SLC9B2: variants seen among roughly 807,000 people sequenced by gnomAD.
The protein encoded by SLC9B2 is sodium/hydrogen exchanger 9B2.
Under a neutral mutation model 52.2 loss-of-function variants are expected in SLC9B2, and 39 were observed. That is an observed-to-expected ratio of 0.75 (90% CI 0.58 to 0.98). The LOEUF (loss-of-function observed/expected upper bound fraction) is 0.98. SLC9B2 is among the 50% of genes least tolerant of loss of function. SLC9B2 has a pLI of 0.00. For missense variants in SLC9B2, 626 were observed against 637.5 expected, an observed-to-expected ratio of 0.98 and a Z score of 0.19; for synonymous variants, 214 against 227.0, an observed-to-expected ratio of 0.94 and a Z score of 0.51.
chr4:103,068,272 A>G (rs1173069948), intron 1 of SLC9B2, among the ~76,000 whole-genome samples: 8 of 152,166 alleles, frequency 5.3e-5, no homozygotes, highest in African/African-American at 1.9e-4. Flanking sequence ...ATAAACACTC[A>G]CTTCAACACA....
chr4:103,062,126 G>A (rs1351659366), intron 3 of SLC9B2, among the ~76,000 whole-genome samples: 3 of 152,198 alleles, frequency 2.0e-5, no homozygotes, highest in Non-Finnish European at 2.9e-5. Context: ...AGAATTAAGT[G>A]TTTTCTCTTT....
intron 5 of SLC9B2, among the ~76,000 whole-genome samples, chr4:103,049,657 A>T (rs1224250808): frequency 6.6e-6 from 1 of 152,150 alleles, no homozygotes; most frequent in Non-Finnish European, 1.5e-5. Context: ...ACATCAGAGA[A>T]AAGTGGGGCC....
At chr4:103,056,220 A>C (rs1434592966) in intron 4 of SLC9B2, among the ~76,000 whole-genome samples, 1 of 151,862 alleles carries the variant, frequency 6.6e-6, no homozygotes, top group Non-Finnish European at 1.5e-5. Flanking sequence ...ATTTTCAGCT[A>C]TGTCTTTAAG....
intron 5 of SLC9B2, among the ~76,000 whole-genome samples, chr4:103,049,841 G>A (rs1434227087): frequency 6.6e-5 from 10 of 151,896 alleles, no homozygotes; most frequent in South Asian, 2.1e-4. Context: ...GCAAAACCCC[G>A]TCTCTACTAA....
chr4:103,045,584 G>T (rs568792854), intron 7 of SLC9B2, among the ~76,000 whole-genome samples: 2 of 148,890 alleles, frequency 1.3e-5, no homozygotes, highest in Admixed American at 6.7e-5. Flanking sequence ...GCAGGGCTCA[G>T]ATCCAAAAGG....
chr4:103,018,540 C>T (rs951353855), downstream of SLC9B2, among the ~76,000 whole-genome samples: 2 of 152,258 alleles, frequency 1.3e-5, no homozygotes, highest in Non-Finnish European at 2.9e-5. Context: ...CTGTTGCACA[C>T]ATAATTATAT....
intron 2 of SLC9B2, 83 bp from the exon 3 acceptor site, chr4:103,066,590 A>G (rs1746152228): frequency 7.6e-7 from 1 of 1,318,278 alleles, no homozygotes; most frequent in African/African-American, 1.5e-5. Context: ...CACCTTACAA[A>G]TCAAATTTCT....
chr4:103,046,635 T>C (rs1449035423), intron 7 of SLC9B2, among the ~76,000 whole-genome samples: 2 of 152,286 alleles, frequency 1.3e-5, no homozygotes, highest in East Asian at 3.9e-4. Flanking sequence ...TTGTGCTCCT[T>C]GAAAAACCCA....
chr4:103,054,081 C>A (rs1744915379), intron 4 of SLC9B2, among the ~76,000 whole-genome samples: 1 of 151,962 alleles, frequency 6.6e-6, no homozygotes, highest in Admixed American at 6.6e-5. Flanking sequence ...AGTTCAAGAC[C>A]TGCCTGAGCC....
At chr4:103,020,341 AGCTTTG>A (rs1409516108), downstream of SLC9B2, 1 of 452,000 alleles carries the variant, frequency 2.2e-6, no homozygotes, top group East Asian at 7.0e-5. Flanking sequence ...TGGGCCCAGA[AGCTTTG>A]GCCTTTCAGT....
intron 2 of SLC9B2, 93 bp downstream of exon 2, chr4:103,067,368 C>T: frequency 8.6e-7 from 1 of 1,162,068 alleles, no homozygotes; most frequent in Non-Finnish European, 1.3e-6. Context: ...GTAGTCACAC[C>T]TGCCTTGGAT....
intron 11 of SLC9B2, 121 bp from the exon 12 acceptor site, chr4:103,026,712 A>T (rs1168300359): frequency 1.2e-6 from 1 of 853,450 alleles, no homozygotes; most frequent in Non-Finnish European, 1.8e-6. Flanking sequence ...GAAAGTTGTA[A>T]GCATCAGGAG....
At chr4:103,059,281 G>C (rs535661317) in intron 3 of SLC9B2, among the ~76,000 whole-genome samples, 1 of 152,232 alleles carries the variant, frequency 6.6e-6, no homozygotes, top group East Asian at 1.9e-4. Context: ...GTTCTTTACA[G>C]ACTTAAACCT....
rs1472697431 is a variant in SLC9B2, at chr4:103,022,584, T to C, written c.*3786A>G. On this transcript the variant is annotated 3_prime_UTR_variant, in exon 12 of 12. Transcript: ENST00000394785. ...CTTTATAATCAGAAAAAAATACTAT[T>C]TTTAAAGAATGTAGTGGATGAGATC... Among the ~76,000 whole-genome samples the C allele has an allele frequency of 6.6e-6, 1 of 152,226 alleles. No individual in the cohort carries two copies. The highest frequency in any genetic ancestry group is 1.5e-5 in the Non-Finnish European group (1 of 68,036).
intron 11 of SLC9B2, among the ~76,000 whole-genome samples, chr4:103,027,210 T>C (rs1742302684): frequency 1.3e-5 from 2 of 152,230 alleles, no homozygotes; most frequent in Admixed American, 6.5e-5. Context: ...TAAAGTTCTA[T>C]GTACTAAATT....
downstream of SLC9B2, among the ~76,000 whole-genome samples, chr4:103,021,790 C>G (rs1323838830): frequency 6.6e-6 from 1 of 152,200 alleles, no homozygotes; most frequent in African/African-American, 2.4e-5. Context: ...TCATCAATCT[C>G]AAGTGCCAAT....
Position 103,031,774 on chromosome 4 carries a change from T to TC in SLC9B2, c.1180dup (p.Asp394GlyfsTer53). 6.2e-7 allele frequency: 1 copy of TC among 1,612,816 alleles called. No homozygotes were observed. Among genetic ancestry groups the TC allele is most frequent in the Non-Finnish European group, 8.5e-7 (1 of 1,179,236 alleles). ...TCCAAAAAGAAGGGGCTGAAAAATGTCCCAGGCAACTGCAATTATCTTTTC... is the reference window on the plus strand; with the variant it reads ...TCCAAAAAGAAGGGGCTGAAAAATGTCCCCAGGCAACTGCAATTATCTTTTC... On this transcript the variant is annotated frameshift_variant, in exon 10 of 12. Coordinates refer to ENST00000394785, the MANE Select transcript of SLC9B2 (RefSeq NM_178833.7).
chr4:103,023,963 G>T lies in SLC9B2; in HGVS notation c.*2407C>A, dbSNP rs1389389854. Among the ~76,000 whole-genome samples the T allele has an allele frequency of 6.6e-6, 1 of 152,060 alleles. No homozygotes were observed. The highest frequency in any genetic ancestry group is 6.5e-5 in the Admixed American group (1 of 15,270). On this transcript the variant is annotated 3_prime_UTR_variant, in exon 12 of 12. Coordinates refer to ENST00000394785, the MANE Select transcript of SLC9B2 (RefSeq NM_178833.7). ...AACAGCATGAAGTGTAACACTTTTTGGTCTTACATCCCTTTTGCTGGCTAA... is the reference window on the plus strand; with the variant it reads ...AACAGCATGAAGTGTAACACTTTTTTGTCTTACATCCCTTTTGCTGGCTAA...
intron 1 of SLC9B2, among the ~76,000 whole-genome samples, chr4:103,072,054 A>ATTTTTTTTTTTTTTTTTTTT (rs1375668319): frequency 1.6e-5 from 1 of 62,484 alleles, no homozygotes; most frequent in African/African-American, 8.8e-5. Context: ...TTTGGCTTTC[A>ATTTTTTTTTTTTTTTTTTTT]TGTTTTTTTT....
Sources: allele counts gnomAD v4.1 joint callset (sites outside exome capture counted in the v4.1 genomes callset), GRCh38; gene constraint gnomAD v4.1.1; transcripts MANE v1.5; gene names NCBI Gene and HGNC (gene_info 2026-07-23, HGNC 2026-07-21).